Variants in RNF150 observed in about 807,000 individuals in gnomAD.
The protein encoded by RNF150 is ring finger protein 150.
Under a neutral mutation model 39.3 loss-of-function variants are expected in RNF150, and 24 were observed. The ratio of observed to expected loss-of-function variants is 0.61; its 90% CI spans 0.44 to 0.86. The LOEUF (loss-of-function observed/expected upper bound fraction) is 0.86. Among genes scored for constraint, RNF150 ranks in the 40% least tolerant of loss-of-function variants. The pLI is 0.00. For synonymous variants in RNF150, 255 were observed against 227.3 expected, an observed-to-expected ratio of 1.12 and a Z score of -1.10; for missense variants, 502 against 587.8, an observed-to-expected ratio of 0.85 and a Z score of 1.51.
At chr4:141,112,473 C>T (rs1739416490) in intron 1 of RNF150, among the ~76,000 whole-genome samples, 1 of 152,120 alleles carries the variant, frequency 6.6e-6, no homozygotes, top group Non-Finnish European at 1.5e-5. Flanking sequence ...GTTATTTTCT[C>T]CTTTGTTTAT....
chr4:141,085,351 GA>G (rs1738322547), intron 1 of RNF150, among the ~76,000 whole-genome samples: 2 of 152,182 alleles, frequency 1.3e-5, no homozygotes, highest in Non-Finnish European at 2.9e-5. Context: ...AATTCAAGAT[GA>G]GATTTGGGTG....
At chr4:141,008,953 T>C (rs1248781772) in intron 1 of RNF150, among the ~76,000 whole-genome samples, 1 of 152,218 alleles carries the variant, frequency 6.6e-6, no homozygotes, top group African/African-American at 2.4e-5. Flanking sequence ...TATATATGCA[T>C]GATGTGCTTG....
chr4:141,041,257 C>T (rs1205245203), intron 1 of RNF150, among the ~76,000 whole-genome samples: 2 of 152,070 alleles, frequency 1.3e-5, no homozygotes, highest in Non-Finnish European at 2.9e-5. Flanking sequence ...AAGTCCTATG[C>T]ATGTCTTATC....
At chr4:141,167,392 T>C (rs907847521) in intron 1 of RNF150, among the ~76,000 whole-genome samples, 1 of 152,164 alleles carries the variant, frequency 6.6e-6, no homozygotes, top group Non-Finnish European at 1.5e-5. Flanking sequence ...ATAGACTCAA[T>C]GGTATTCCTA....
intron 1 of RNF150, among the ~76,000 whole-genome samples, chr4:141,060,060 C>G (rs1737152607): frequency 2.6e-5 from 4 of 152,300 alleles, no homozygotes; most frequent in Admixed American, 1.3e-4. Context: ...TTCTAAATAG[C>G]TGATATTTCA....
At chr4:140,977,510 C>G (rs948733650) in intron 1 of RNF150, among the ~76,000 whole-genome samples, 4 of 152,120 alleles carry the variant, frequency 2.6e-5, no homozygotes, top group Non-Finnish European at 5.9e-5. Context: ...GAGCCTTGAT[C>G]AAGCCACATC....
At chr4:140,915,297 G>T (rs1203893888) in intron 5 of RNF150, among the ~76,000 whole-genome samples, 1 of 152,198 alleles carries the variant, frequency 6.6e-6, no homozygotes, top group African/African-American at 2.4e-5. Context: ...GCATAAAAAG[G>T]GTTTCAGTTC....
chr4:141,099,011 C>G (rs1461943292), intron 1 of RNF150, among the ~76,000 whole-genome samples: 1 of 152,130 alleles, frequency 6.6e-6, no homozygotes, highest in Non-Finnish European at 1.5e-5. Flanking sequence ...GGAGGTTCTT[C>G]CTGAAATGTG....
At chr4:141,139,987 C>G (rs185594641) in intron 1 of RNF150, among the ~76,000 whole-genome samples, 2 of 152,296 alleles carry the variant, frequency 1.3e-5, no homozygotes, top group Admixed American at 1.3e-4. Context: ...AGCTCTCAAG[C>G]CTTCACTTCA....
chr4:141,133,032 T>G lies in RNF150; in HGVS notation c.-224A>C. 1 of 449,308 alleles carries G rather than the reference T, an allele frequency of 2.2e-6. No individual in the cohort carries two copies. The highest frequency in any genetic ancestry group is 4.0e-6 in the Non-Finnish European group (1 of 253,160). 27.8% of individuals were successfully genotyped at this position (449,308 alleles called of 1,614,324 possible). A position where few individuals can be genotyped will look rare whatever the true frequency, so the allele number is the denominator to read the frequency against. On this transcript the variant is annotated 5_prime_UTR_variant, in exon 1 of 7. Transcript: ENST00000515673. ...TCAGCTGTAGCGCGGTGGTTGCATT[T>G]TGCTTCTTGGGCGCCCGGGGGGCGC...
intron 1 of RNF150, among the ~76,000 whole-genome samples, chr4:141,004,473 T>C (rs559501384): frequency 1.3e-5 from 2 of 152,250 alleles, no homozygotes; most frequent in South Asian, 4.1e-4. Context: ...AATTATAACC[T>C]CTCGAACTCT....
At chr4:140,908,353 T>A (rs1730469847) in intron 6 of RNF150, among the ~76,000 whole-genome samples, 1 of 152,264 alleles carries the variant, frequency 6.6e-6, no homozygotes, top group South Asian at 2.1e-4. Flanking sequence ...TGTAAAATTC[T>A]GAGAAATCCT....
chr4:141,060,205 C>G (rs1737159353), intron 1 of RNF150, among the ~76,000 whole-genome samples: 1 of 152,144 alleles, frequency 6.6e-6, no homozygotes, highest in Non-Finnish European at 1.5e-5. Context: ...CTCTGGGAGG[C>G]CAAGGAGGGA....
At chr4:141,111,112 GA>G (rs113093714) in intron 1 of RNF150, among the ~76,000 whole-genome samples, 33 of 152,244 alleles carry the variant, frequency 2.2e-4, no homozygotes, top group African/African-American at 7.7e-4. Context: ...GGGCAACAAT[GA>G]ATTATCAGGA....
intron 1 of RNF150, among the ~76,000 whole-genome samples, chr4:141,146,364 A>C (rs1334359573): frequency 6.6e-6 from 1 of 152,186 alleles, no homozygotes; most frequent in African/African-American, 2.4e-5. Flanking sequence ...TCACAAGAGA[A>C]TTATTGTTTG....
chr4:141,022,658 C>T lies in RNF150; in HGVS notation c.485-54785G>A, dbSNP rs75173181. 1.2e-4 allele frequency among the ~76,000 whole-genome samples: 19 copies of T among 152,166 alleles called. No individual in the cohort carries two copies. In the East Asian group the frequency reaches 2.7e-3, roughly 22 times the overall value. On this transcript the variant is annotated intron_variant, in intron 1 of 6. Coordinates refer to ENST00000515673, the MANE Select transcript of RNF150 (RefSeq NM_020724.2). ...TTTTTCATTCTGTATATCTAAATGA[C>T]GAATGAATGGAAGCTCATTTAGGAA...
intron 4 of RNF150, among the ~76,000 whole-genome samples, 176 bp downstream of exon 4, chr4:140,947,478 T>C (rs963571613): frequency 6.6e-6 from 1 of 152,182 alleles, no homozygotes; most frequent in Non-Finnish European, 1.5e-5. Flanking sequence ...TACAGTGTTT[T>C]CAAGGACAAA....
chr4:141,046,006 G>A (rs1306071287), intron 1 of RNF150, among the ~76,000 whole-genome samples: 1 of 152,112 alleles, frequency 6.6e-6, no homozygotes, highest in Non-Finnish European at 1.5e-5. Flanking sequence ...ATACAAGGTT[G>A]AGTTGAAATA....
chr4:140,916,028 A>T (rs1730811454), intron 5 of RNF150, among the ~76,000 whole-genome samples: 1 of 152,160 alleles, frequency 6.6e-6, no homozygotes, highest in Admixed American at 6.5e-5. Flanking sequence ...GGACATCCAC[A>T]CCAAAAACCC....
Sources: gnomAD v4.1 joint callset for allele counts (sites outside exome capture counted in the v4.1 genomes callset) on GRCh38, gnomAD v4.1.1 for gene constraint, MANE v1.5 for transcripts, NCBI Gene and HGNC (gene_info 2026-07-23, HGNC 2026-07-21) for gene names.